NRXN1: variants seen among roughly 807,000 people sequenced by gnomAD.
NRXN1 encodes the protein neurexin 1, also known as neurexin-1.
In NRXN1, 39 loss-of-function variants were observed where a neutral mutation model predicts 150.9. The ratio of observed to expected loss-of-function variants is 0.26; its 90% CI spans 0.20 to 0.34. The LOEUF is 0.34. Ranked by LOEUF, NRXN1 falls within the 10% of genes least tolerant of loss-of-function variation. The probability of loss-of-function intolerance (pLI) is 1.00; values close to 1 mark genes in which losing one functional copy is unlikely to be tolerated. For synonymous variants in NRXN1, 924 were observed against 757.0 expected (o/e 1.22, Z -3.62); for missense variants, 1,815 against 1,949.9 (o/e 0.93, Z 1.30).
intron 5 of NRXN1, among the ~76,000 whole-genome samples, chr2:50,717,309 A>C (rs1012800068): frequency 2.6e-5 from 4 of 152,322 alleles, no homozygotes; most frequent in East Asian, 1.9e-4. Flanking sequence ...AAAGTCTAAT[A>C]AGCCATTATT....
At chr2:50,158,445 T>A (rs1191140709) in intron 18 of NRXN1, among the ~76,000 whole-genome samples, 1 of 151,834 alleles carries the variant, frequency 6.6e-6, no homozygotes, top group Non-Finnish European at 1.5e-5. Context: ...TTAAACTATG[T>A]TGGAACAGAG....
intron 18 of NRXN1, among the ~76,000 whole-genome samples, chr2:50,173,669 T>A (rs1366605716): frequency 2.6e-5 from 4 of 152,234 alleles, no homozygotes; most frequent in South Asian, 2.1e-4. Context: ...CTCCAAGGAC[T>A]TTCCTGCTGT....
At position 49,951,275 on chromosome 2, in the gene NRXN1, T is replaced by C. The variant is rs553032409; in HGVS notation, c.4129-7484A>G. 3.3e-5 allele frequency among the ~76,000 whole-genome samples: 5 copies of C among 152,094 alleles called. No individual in the cohort carries two copies. In the South Asian group the frequency reaches 8.3e-4, roughly 25 times the overall value. ...CATATTTTAGCAAACTTATTCAAAA[T>C]AGAAAACCTACAAATAAGGAACCTG... On this transcript the variant is annotated intron_variant, in intron 21 of 22. Coordinates refer to ENST00000401669, the MANE Select transcript of NRXN1 (RefSeq NM_001330078.2).
intron 5 of NRXN1, chr2:50,656,489 C>T: frequency 4.4e-6 from 3 of 687,468 alleles, no homozygotes; most frequent in East Asian, 2.6e-5. Context: ...ACATTCACAC[C>T]AACTGAGGTC....
chr2:50,514,982 G>C (rs2092584276), intron 12 of NRXN1, among the ~76,000 whole-genome samples: 1 of 151,974 alleles, frequency 6.6e-6, no homozygotes, highest in Non-Finnish European at 1.5e-5. Context: ...TTAAGCCCGG[G>C]CTCCCCACCC....
At chr2:50,317,294 G>C (rs1342371658) in intron 17 of NRXN1, among the ~76,000 whole-genome samples, 1 of 151,746 alleles carries the variant, frequency 6.6e-6, no homozygotes, top group Non-Finnish European at 1.5e-5. Flanking sequence ...ATAATAAAAA[G>C]AAACCCTTAC....
chr2:49,959,850 A>G (rs1347370592), intron 21 of NRXN1, among the ~76,000 whole-genome samples: 3 of 152,232 alleles, frequency 2.0e-5, no homozygotes, highest in Non-Finnish European at 4.4e-5. Context: ...TAAAGTAGGC[A>G]AAACCCCAGT....
Position 50,053,361 on chromosome 2 carries a change from C to T in NRXN1, c.4038G>A (p.Glu1346=). 6.2e-7 allele frequency: 1 copy of T among 1,614,002 alleles called. No homozygotes were observed. The highest frequency in any genetic ancestry group is 2.2e-5 in the East Asian group (1 of 44,870). ...TAGTCTCCATAATTGATGTGGACAT[C>T]TCTGATTGCATGGCAGTGGCTGTTG... ...TESTATAMQS[E]MSTSIMETTT... The change falls in exon 21 of 23, where the codon GAG becomes GAA. Residue 1346 remains glutamate (E), a synonymous_variant. Transcript: ENST00000401669.
chr2:50,729,888 C>T (rs858949), intron 5 of NRXN1, among the ~76,000 whole-genome samples: 25,350 of 152,190 alleles, frequency 0.17, 2,154 homozygotes, highest in African/African-American at 0.19. Context: ...ATCCCTCACA[C>T]TCACAGGATG....
At chr2:49,948,092 T>G (rs773829883) in intron 21 of NRXN1, among the ~76,000 whole-genome samples, 12 of 152,122 alleles carry the variant, frequency 7.9e-5, no homozygotes, top group Non-Finnish European at 1.3e-4. Flanking sequence ...CATCTTTTAC[T>G]GTCCAACTTT....
rs1317773745 is a variant in NRXN1 at position 50,314,681 on chromosome 2, G to GA, written c.3365-77712dup. On this transcript the variant is annotated intron_variant, in intron 17 of 22. Coordinates refer to ENST00000401669, the MANE Select transcript of NRXN1 (RefSeq NM_001330078.2). The stretch of plus-strand genomic sequence containing the variant: ...GGTTTAGTAGCATTGAAGTGCAAAT[G>GA]AAAAAAAAGAATATATTTTTTGTAA... 1.1e-4 allele frequency among the ~76,000 whole-genome samples: 17 copies of GA among 151,522 alleles called. No individual in the cohort carries two copies. In the East Asian group the frequency reaches 1.8e-3, roughly 16 times the overall value.
chr2:50,478,906 C>T (rs559063710), intron 15 of NRXN1, among the ~76,000 whole-genome samples: 336 of 152,240 alleles, frequency 2.2e-3, no homozygotes, highest in Non-Finnish European at 4.0e-3. Context: ...TTTGTTGTTT[C>T]GTTTTCATTC....
Position 50,064,033 on chromosome 2 carries a change from C to G in NRXN1, c.3719-8989G>C, listed in dbSNP as rs570037470. 3.3e-5 allele frequency among the ~76,000 whole-genome samples: 5 copies of G among 152,160 alleles called. No individual in the cohort carries two copies. In the East Asian group the frequency reaches 9.6e-4, roughly 29 times the overall value. On this transcript the variant is annotated intron_variant, in intron 19 of 22. Transcript: ENST00000401669. ...TATATGTATATATAGTCACAAACAC[C>G]ATTGGATTGTGAGAGGAATAGAACT...
intron 17 of NRXN1, among the ~76,000 whole-genome samples, chr2:50,300,647 C>T (rs1265187189): frequency 6.6e-6 from 1 of 152,178 alleles, no homozygotes; most frequent in Non-Finnish European, 1.5e-5. Context: ...CACTTCTAAG[C>T]CATGCTCTTA....
At chr2:50,785,472 T>A (rs1704982289) in intron 5 of NRXN1, among the ~76,000 whole-genome samples, 1 of 151,988 alleles carries the variant, frequency 6.6e-6, no homozygotes. Context: ...ATGGTCTTGA[T>A]TCCCTGACCT....
chr2:50,320,171 CAATTCT>C (rs952697308), intron 17 of NRXN1, among the ~76,000 whole-genome samples: 9 of 151,134 alleles, frequency 6.0e-5, no homozygotes, highest in Admixed American at 5.3e-4. Context: ...AAGTGCCTAA[CAATTCT>C]AATGAGAAGG....
intron 17 of NRXN1, among the ~76,000 whole-genome samples, chr2:50,253,594 C>G (rs928196513): frequency 3.3e-5 from 5 of 152,092 alleles, no homozygotes; most frequent in African/African-American, 9.7e-5. Context: ...ACATTAACAC[C>G]TAGTTTATTG....
chr2:50,888,315 T>C (rs551028155), intron 5 of NRXN1, among the ~76,000 whole-genome samples: 1 of 151,264 alleles, frequency 6.6e-6, no homozygotes, highest in Non-Finnish European at 1.5e-5. Context: ...AGAAAGTCCA[T>C]GAGATTTAAT....
intron 18 of NRXN1, among the ~76,000 whole-genome samples, chr2:50,098,982 T>C (rs1700654081): frequency 6.6e-6 from 1 of 151,644 alleles, no homozygotes; most frequent in Admixed American, 6.6e-5. Flanking sequence ...GAGTAATACA[T>C]TTTTAAAAAA....
Sources: gnomAD v4.1 joint callset for allele counts (sites outside exome capture counted in the v4.1 genomes callset) on GRCh38, gnomAD v4.1.1 for gene constraint, MANE v1.5 for transcripts, NCBI Gene and HGNC (gene_info 2026-07-23, HGNC 2026-07-21) for gene names.